NRG3: variants seen among roughly 807,000 people sequenced by gnomAD.
The protein encoded by NRG3 is pro-neuregulin-3, membrane-bound isoform.
Under a neutral mutation model 66.9 loss-of-function variants are expected in NRG3, and 31 were observed. The ratio of observed to expected loss-of-function variants is 0.46; its 90% confidence interval spans 0.35 to 0.63. NRG3 has a LOEUF of 0.63. Among genes scored for constraint, NRG3 ranks in the 20% least tolerant of loss-of-function variants. The probability of loss-of-function intolerance (pLI) is 0.00; values close to 1 mark genes in which losing one functional copy is unlikely to be tolerated. For missense variants in NRG3, 910 were observed against 878.9 expected (o/e 1.04, Z -0.45); for synonymous variants, 393 against 359.4 (o/e 1.09, Z -1.06).
chr10:82,836,336 G>A (rs2062774610), intron 3 of NRG3, among the ~76,000 whole-genome samples: 1 of 152,168 alleles, frequency 6.6e-6, no homozygotes, highest in Non-Finnish European at 1.5e-5. Flanking sequence ...GGAAAGAATA[G>A]CAACTGATAG....
At chr10:82,061,581 G>A (rs1016944502) in intron 1 of NRG3, among the ~76,000 whole-genome samples, 13 of 151,926 alleles carry the variant, frequency 8.6e-5, no homozygotes, top group African/African-American at 1.5e-4. Flanking sequence ...ACCCATATCC[G>A]TCATAATAAG....
intron 1 of NRG3, among the ~76,000 whole-genome samples, chr10:81,939,188 T>C (rs1333578982): frequency 6.6e-6 from 1 of 152,020 alleles, no homozygotes; most frequent in Non-Finnish European, 1.5e-5. Flanking sequence ...ATTTTGAGGA[T>C]TTTTGCATCA....
intron 4 of NRG3, among the ~76,000 whole-genome samples, chr10:82,886,300 A>G (rs1413973029): frequency 2.0e-5 from 3 of 152,084 alleles, no homozygotes; most frequent in Non-Finnish European, 4.4e-5. Flanking sequence ...TTACTCATTT[A>G]TCTTTTACAA....
intron 2 of NRG3, among the ~76,000 whole-genome samples, chr10:82,639,461 A>G (rs956952359): frequency 3.9e-4 from 59 of 152,320 alleles, no homozygotes; most frequent in Admixed American, 1.2e-3. Flanking sequence ...CATAGCAGCT[A>G]TTTACCCATG....
rs143449795 is a variant in NRG3 at position 82,849,118 on chromosome 10, C to T, written c.1028-16293C>T. 1.1e-4 allele frequency among the ~76,000 whole-genome samples: 17 copies of T among 152,156 alleles called. No homozygotes were observed. In the East Asian group the frequency reaches 2.1e-3, roughly 19 times the overall value. ...TGGGGTCTTTAGCATGGGCGCTAAT[C>T]GAATATAACTGATATCCTTATCAAA... is the stretch of plus-strand genomic sequence containing the variant. On this transcript the variant is annotated intron_variant, in intron 3 of 8. Coordinates refer to ENST00000372141, the MANE Select transcript of NRG3 (RefSeq NM_001010848.4).
intron 2 of NRG3, among the ~76,000 whole-genome samples, chr10:82,491,183 C>A (rs1272734108): frequency 6.6e-6 from 1 of 151,216 alleles, no homozygotes; most frequent in Non-Finnish European, 1.5e-5. Context: ...CTTTTCAAGT[C>A]TTTGTCCATG....
intron 1 of NRG3, among the ~76,000 whole-genome samples, chr10:81,998,999 C>T (rs1374928770): frequency 1.3e-5 from 2 of 152,158 alleles, no homozygotes; most frequent in Non-Finnish European, 2.9e-5. Flanking sequence ...GATGGGGTTT[C>T]ACCGTGTTGG....
intron 1 of NRG3, among the ~76,000 whole-genome samples, chr10:82,111,128 C>T (rs2132241910): frequency 6.6e-6 from 1 of 152,262 alleles, no homozygotes; most frequent in East Asian, 1.9e-4. Context: ...TGTGGACATA[C>T]TCCCTTGGGT....
intron 2 of NRG3, among the ~76,000 whole-genome samples, chr10:82,706,556 G>A (rs989108519): frequency 1.3e-5 from 2 of 151,682 alleles, no homozygotes; most frequent in Admixed American, 1.3e-4. Flanking sequence ...TCACATGTGG[G>A]GCTGACACTC....
chr10:82,559,513 T>C (rs1281147366), intron 2 of NRG3, among the ~76,000 whole-genome samples: 2 of 152,190 alleles, frequency 1.3e-5, no homozygotes, highest in East Asian at 3.9e-4. Flanking sequence ...CAGGTGCTAG[T>C]AGCCTGTATG....
chr10:82,349,151 G>C (rs1273890767), intron 1 of NRG3, among the ~76,000 whole-genome samples: 2 of 151,580 alleles, frequency 1.3e-5, no homozygotes, highest in East Asian at 2.0e-4. Context: ...CTGCTTTTTA[G>C]AGTTTCCAGT....
chr10:82,038,513 A>G (rs1026595933), intron 1 of NRG3, among the ~76,000 whole-genome samples: 2 of 152,152 alleles, frequency 1.3e-5, no homozygotes, highest in African/African-American at 4.8e-5. Flanking sequence ...TGAGGACTCA[A>G]TTTCAGACTA....
At chr10:82,328,090 C>A (rs1228152010) in intron 1 of NRG3, among the ~76,000 whole-genome samples, 4 of 152,102 alleles carry the variant, frequency 2.6e-5, no homozygotes, top group Non-Finnish European at 5.9e-5. Flanking sequence ...TGTGGGGGGG[C>A]ACAATTTCAT....
In NRG3 at chr10:82,358,858, A is replaced by G; in HGVS notation, c.943A>G (p.Lys315Glu). ...FVIETLTGSH[K>E]HCRCKEGYQG... ...GATCGAAACCCTGACCGGATCCCAT[A>G]AACACTGTCGGTAAGCCACTGAGGC... The change falls in exon 2 of 9, where the codon AAA (lysine) becomes GAA (glutamate). Residue 315 changes from lysine (K) to glutamate (E), a missense_variant. By Grantham distance (56) the Lys-to-Glu change is moderately conservative. Coordinates refer to ENST00000372141, the MANE Select transcript of NRG3 (RefSeq NM_001010848.4). The G allele has an allele frequency of 6.2e-7, 1 of 1,614,198 alleles. No individual in the cohort carries two copies. The highest frequency in any genetic ancestry group is 8.5e-7 in the Non-Finnish European group (1 of 1,180,030).
chr10:82,377,473 C>T (rs879751483), intron 2 of NRG3, among the ~76,000 whole-genome samples: 5 of 151,488 alleles, frequency 3.3e-5, no homozygotes, highest in Admixed American at 3.3e-4. Context: ...AGCGCACATG[C>T]GTGAGTTCAT....
At chr10:82,108,692 T>C (rs936163424) in intron 1 of NRG3, among the ~76,000 whole-genome samples, 2 of 152,208 alleles carry the variant, frequency 1.3e-5, no homozygotes, top group Admixed American at 1.3e-4. Context: ...GTAGAAGTAA[T>C]TACAGTAGTA....
At chr10:82,267,768 CATGGTG>C (rs2078378182) in intron 1 of NRG3, among the ~76,000 whole-genome samples, 1 of 152,158 alleles carries the variant, frequency 6.6e-6, no homozygotes, top group Non-Finnish European at 1.5e-5. Context: ...CTCAGCTCTG[CATGGTG>C]AGGAGTGTGT....
intron 2 of NRG3, among the ~76,000 whole-genome samples, chr10:82,672,080 T>C (rs1253349656): frequency 6.6e-6 from 1 of 152,168 alleles, no homozygotes; most frequent in East Asian, 1.9e-4. Flanking sequence ...TTCTCTGGCG[T>C]GTAAGTTGTA....
chr10:82,661,319 T>A lies in NRG3; in HGVS notation c.954-77258T>A, dbSNP rs2052341927. On this transcript the variant is annotated intron_variant, in intron 2 of 8. Coordinates refer to ENST00000372141, the MANE Select transcript of NRG3 (RefSeq NM_001010848.4). ...CCAGTCCCTGAATATACACCCTTACTCACACATATATATTTTAATATAATG... is the reference window on the plus strand; with the variant it reads ...CCAGTCCCTGAATATACACCCTTACACACACATATATATTTTAATATAATG... Among the ~76,000 whole-genome samples the A allele has an allele frequency of 2.0e-5, 3 of 152,142 alleles. No homozygotes were observed. The South Asian group carries it at 6.2e-4, about 32-fold the overall frequency.
Sources: gnomAD v4.1 joint callset for allele counts (sites outside exome capture counted in the v4.1 genomes callset) on GRCh38, gnomAD v4.1.1 for gene constraint, MANE v1.5 for transcripts, NCBI Gene and HGNC (gene_info 2026-07-23, HGNC 2026-07-21) for gene names.